Variants in ZZEF1 observed in about 807,000 individuals in gnomAD.
The protein encoded by ZZEF1 is zinc finger ZZ-type and EF-hand domain-containing protein 1.
Under a neutral mutation model 342.8 loss-of-function variants are expected in ZZEF1, and 157 were observed. The ratio of observed to expected loss-of-function variants is 0.46; its 90% CI spans 0.40 to 0.52. ZZEF1 has a LOEUF of 0.52. Among genes scored for constraint, ZZEF1 ranks in the 20% least tolerant of loss-of-function variants. ZZEF1 has a pLI of 0.00. For missense variants in ZZEF1, 3,480 were observed against 3,725.6 expected, an observed-to-expected ratio of 0.93 and a Z score of 1.72; for synonymous variants, 1,505 against 1,429.1, an observed-to-expected ratio of 1.05 and a Z score of -1.20.
chr17:4,054,866 G>A (rs1203781892), intron 33 of ZZEF1, among the ~76,000 whole-genome samples: 2 of 152,218 alleles, frequency 1.3e-5, no homozygotes, highest in Non-Finnish European at 2.9e-5. Context: ...TATAAGGGCT[G>A]GGACTGAGTA....
rs1238161309 is a variant in ZZEF1, at chr17:4,104,297, CAAT to C, written c.1573+333_1573+335del. On this transcript the variant is annotated intron_variant, in intron 8 of 54. Coordinates refer to ENST00000381638, the MANE Select transcript of ZZEF1 (RefSeq NM_015113.4). ...ACTACTCCAACCCTCTTGGCCTACA[CAAT>C]GAGACACTTCAGTACTTCACCAAAG... Among the ~76,000 whole-genome samples, 3 of 152,316 alleles carry C rather than the reference CAAT, an allele frequency of 2.0e-5. No individual in the cohort carries two copies. The East Asian group carries it at 5.8e-4, about 29-fold the overall frequency.
chr17:4,134,956 T>C (rs2058725477), intron 1 of ZZEF1, among the ~76,000 whole-genome samples: 1 of 152,106 alleles, frequency 6.6e-6, no homozygotes. Context: ...GTATGGCAGA[T>C]AGTGAGAACT....
At chr17:4,065,255 G>A (rs1364897785) in intron 28 of ZZEF1, among the ~76,000 whole-genome samples, 1 of 151,996 alleles carries the variant, frequency 6.6e-6, no homozygotes, top group African/African-American at 2.4e-5. Flanking sequence ...AAATTAACCA[G>A]ACATGGTGGC....
intron 43 of ZZEF1, 132 bp from the exon 44 acceptor site, chr17:4,022,960 T>C: frequency 8.0e-7 from 1 of 1,243,152 alleles, no homozygotes; most frequent in Non-Finnish European, 1.1e-6. Flanking sequence ...ATGAAGCCTA[T>C]TTTATGTCAC....
intron 1 of ZZEF1, among the ~76,000 whole-genome samples, chr17:4,138,843 C>T (rs887635051): frequency 4.6e-5 from 7 of 152,216 alleles, no homozygotes; most frequent in African/African-American, 1.7e-4. Context: ...TTCCCCTCTA[C>T]ATGGCAGTTA....
chr17:4,032,983 C>T lies in ZZEF1; in HGVS notation c.6604G>A (p.Ala2202Thr), dbSNP rs1054769729. 3 of 1,583,986 alleles carry T rather than the reference C, an allele frequency of 1.9e-6. No homozygotes were observed. Among genetic ancestry groups the T allele is most frequent in the African/African-American group, 1.3e-5 (1 of 74,384 alleles). Reference sequence around the variant, plus strand: ...CGCAGGATCTCTGCCATGGAGCACGCCCAGTCCAAGCCCACCCGGCTGGAA... The same window carrying T: ...CGCAGGATCTCTGCCATGGAGCACGTCCAGTCCAAGCCCACCCGGCTGGAA... ...CLDSRVGLDW[A>T]CSMAEILRSL... is the part of the protein sequence containing the mutation. The change falls in exon 41 of 55, where the codon GCG becomes ACG. Residue 2202 changes from alanine (A) to threonine (T), a missense_variant. Physicochemically the swap from Ala to Thr is moderately conservative, Grantham distance 58. Coordinates refer to ENST00000381638, the MANE Select transcript of ZZEF1 (RefSeq NM_015113.4).
At chr17:4,057,268 A>C (rs2057182299) in intron 32 of ZZEF1, among the ~76,000 whole-genome samples, 1 of 152,204 alleles carries the variant, frequency 6.6e-6, no homozygotes, top group Admixed American at 6.5e-5. Flanking sequence ...CGGAGCTCCA[A>C]CAGCGAGGCG....
chr17:4,033,149 T>C lies in ZZEF1; in HGVS notation c.6585-147A>G, dbSNP rs1038352342. On this transcript the variant is annotated intron_variant, in intron 40 of 54. Coordinates refer to ENST00000381638, the MANE Select transcript of ZZEF1 (RefSeq NM_015113.4). ...AACTACCAGAATAATGCTTTTCGTA[T>C]AATGGTGAGTAAAAGAGCAAACAAA... 3 of 730,710 alleles carry C rather than the reference T, an allele frequency of 4.1e-6. No homozygotes were observed. The African/African-American group carries it at 5.3e-5, about 13-fold the overall frequency. 45.3% of individuals were successfully genotyped at this position (730,710 alleles called of 1,614,324 possible).
At chr17:4,032,740 C>T in intron 41 of ZZEF1, 88 bp downstream of exon 41, 1 of 1,393,976 alleles carries the variant, frequency 7.2e-7, no homozygotes, top group South Asian at 1.3e-5. Flanking sequence ...AGATCTATGC[C>T]TATATATCCG....
chr17:4,077,830 A>T (rs2057651281), intron 19 of ZZEF1, 53 bp downstream of exon 19: 2 of 1,587,478 alleles, frequency 1.3e-6, no homozygotes, highest in Non-Finnish European at 1.7e-6. Context: ...GAGAACACTC[A>T]GAGTCAAAAC....
intron 1 of ZZEF1, among the ~76,000 whole-genome samples, chr17:4,129,035 G>A (rs1240253777): frequency 6.6e-6 from 1 of 152,032 alleles, no homozygotes; most frequent in Non-Finnish European, 1.5e-5. Context: ...CCAAAGTGCT[G>A]GGATTACAGG....
chr17:4,087,709 G>T (rs574614550), intron 13 of ZZEF1, among the ~76,000 whole-genome samples, 175 bp from the exon 14 acceptor site: 4 of 150,936 alleles, frequency 2.7e-5, no homozygotes, highest in Non-Finnish European at 5.9e-5. Context: ...ACTATTTTTG[G>T]TTTGAAACTT....
At chr17:4,135,624 C>T (rs954403311) in intron 1 of ZZEF1, among the ~76,000 whole-genome samples, 2 of 152,198 alleles carry the variant, frequency 1.3e-5, no homozygotes, top group Admixed American at 6.5e-5. Context: ...CTCTAGTGAA[C>T]TGAAAACCTG....
chr17:4,085,367 C>T (rs1187174394), intron 16 of ZZEF1, among the ~76,000 whole-genome samples: 1 of 151,980 alleles, frequency 6.6e-6, no homozygotes, highest in Non-Finnish European at 1.5e-5. Flanking sequence ...TTTGAATTTG[C>T]CTATAATACA....
At chr17:4,095,482 G>C (rs977916812) in intron 11 of ZZEF1, among the ~76,000 whole-genome samples, 11 of 152,122 alleles carry the variant, frequency 7.2e-5, no homozygotes, top group African/African-American at 2.4e-4. Flanking sequence ...TACTTAATAA[G>C]TATTTGTGTT....
intron 29 of ZZEF1, among the ~76,000 whole-genome samples, chr17:4,063,728 A>AT (rs549620718): frequency 0.37 from 48,047 of 130,672 alleles, 11,111 homozygotes; most frequent in African/African-American, 0.67. Flanking sequence ...CACTCAGGTC[A>AT]TTTTTTTTTT....
chr17:4,087,317 G>A (rs1046727214), intron 14 of ZZEF1, 117 bp downstream of exon 14: 7 of 690,320 alleles, frequency 1.0e-5, no homozygotes, highest in Admixed American at 6.5e-5. Context: ...ATTTTAAATC[G>A]AACCATAAAC....
intron 26 of ZZEF1, among the ~76,000 whole-genome samples, chr17:4,068,418 C>G (rs1361387940): frequency 2.0e-5 from 3 of 152,152 alleles, no homozygotes; most frequent in South Asian, 4.1e-4. Context: ...TCCCGAGTAG[C>G]TGGAATTACA....
chr17:4,047,877 GT>G, intron 37 of ZZEF1, among the ~76,000 whole-genome samples: 1 of 149,774 alleles, frequency 6.7e-6, no homozygotes, highest in East Asian at 2.0e-4. Flanking sequence ...GGAGGTGGAG[GT>G]TGCAGTGAGC....
Sources: gnomAD v4.1 joint callset for allele counts (sites outside exome capture counted in the v4.1 genomes callset) on GRCh38, gnomAD v4.1.1 for gene constraint, MANE v1.5 for transcripts, NCBI Gene and HGNC (gene_info 2026-07-23, HGNC 2026-07-21) for gene names.